EYS: variants seen among roughly 807,000 people sequenced by gnomAD.
EYS encodes the protein EGF-like photoreceptor maintenance factor.
In EYS, 250 loss-of-function variants were observed where a neutral mutation model predicts 282.1. That is an observed-to-expected ratio of 0.89 (90% CI 0.80 to 0.98). The LOEUF is 0.98. EYS is among the 50% of genes least tolerant of loss of function. The probability of loss-of-function intolerance (pLI) is 0.00; values close to 1 mark genes in which losing one functional copy is unlikely to be tolerated. For missense variants in EYS, 4,016 were observed against 3,709.0 expected (o/e 1.08, Z -2.15); for synonymous variants, 1,355 against 1,282.9 (o/e 1.06, Z -1.20).
chr6:65,182,936 A>C (rs1043524128), intron 12 of EYS, among the ~76,000 whole-genome samples: 6 of 151,786 alleles, frequency 4.0e-5, no homozygotes, highest in Middle Eastern at 3.4e-3. Context: ...ATACAGTCAC[A>C]CACCACCACG....
At chr6:64,439,405 T>A in intron 26 of EYS, 53 bp from the exon 27 acceptor site, 1 of 1,195,662 alleles carries the variant, frequency 8.4e-7, no homozygotes, top group African/African-American at 1.6e-5. Flanking sequence ...ATTCAATACC[T>A]AGGTTTCACA....
At chr6:64,727,052 T>C (rs1412085672) in intron 22 of EYS, among the ~76,000 whole-genome samples, 1 of 152,196 alleles carries the variant, frequency 6.6e-6, no homozygotes, top group African/African-American at 2.4e-5. Context: ...CTGATGTTAC[T>C]GAAATTCTCT....
intron 15 of EYS, among the ~76,000 whole-genome samples, chr6:64,944,030 C>G (rs187598024): frequency 6.6e-6 from 1 of 152,064 alleles, no homozygotes; most frequent in Non-Finnish European, 1.5e-5. Context: ...ACACACAGAT[C>G]AGTGGAACAG....
intron 37 of EYS, chr6:63,797,902 G>A (rs577398563): frequency 6.6e-6 from 1 of 152,218 alleles, no homozygotes; most frequent in African/African-American, 2.4e-5. Context: ...GCATTTCTTG[G>A]GGCTACATAT....
intron 26 of EYS, among the ~76,000 whole-genome samples, chr6:64,574,755 T>C (rs769886081): frequency 1.3e-5 from 2 of 152,214 alleles, no homozygotes; most frequent in Admixed American, 6.6e-5. Context: ...AATAAGTACA[T>C]TTCTTCAGCC....
intron 26 of EYS, among the ~76,000 whole-genome samples, chr6:64,500,169 T>C (rs973262597): frequency 6.6e-5 from 10 of 152,136 alleles, no homozygotes; most frequent in Non-Finnish European, 1.5e-4. Context: ...ATATCCTGTA[T>C]ACAGATCCAG....
chr6:64,290,066 A>G (rs1768646105), intron 30 of EYS, among the ~76,000 whole-genome samples: 1 of 152,066 alleles, frequency 6.6e-6, no homozygotes, highest in Admixed American at 6.6e-5. Flanking sequence ...ATTAAAGGCC[A>G]AGGAGGTTTT....
chr6:65,488,482 C>G (rs902310631), intron 5 of EYS, among the ~76,000 whole-genome samples: 3 of 152,100 alleles, frequency 2.0e-5, no homozygotes, highest in Non-Finnish European at 4.4e-5. Flanking sequence ...AGAGAGGACA[C>G]AAACAAATGG....
intron 37 of EYS, among the ~76,000 whole-genome samples, chr6:63,804,161 T>G (rs1402088956): frequency 6.6e-6 from 1 of 152,054 alleles, no homozygotes; most frequent in African/African-American, 2.4e-5. Context: ...GGATTACAGG[T>G]GTGCACCACC....
intron 37 of EYS, among the ~76,000 whole-genome samples, chr6:63,802,639 T>G (rs1770808726): frequency 6.6e-6 from 1 of 151,974 alleles, no homozygotes; most frequent in Non-Finnish European, 1.5e-5. Context: ...AAACTCTATC[T>G]TAAATCATTA....
intron 26 of EYS, among the ~76,000 whole-genome samples, chr6:64,508,555 TTATTA>T (rs1233555148): frequency 8.4e-5 from 10 of 119,290 alleles, no homozygotes; most frequent in African/African-American, 3.9e-4. Flanking sequence ...TAAGTATTTA[TTATTA>T]TTATTATTAT....
At chr6:64,925,337 C>A (rs571940650) in intron 15 of EYS, among the ~76,000 whole-genome samples, 35 of 152,278 alleles carry the variant, frequency 2.3e-4, no homozygotes, top group African/African-American at 8.2e-4. Flanking sequence ...CTGGGTGATA[C>A]AATTCAAGTT....
intron 1 of EYS, among the ~76,000 whole-genome samples, chr6:65,682,809 G>A (rs1261068667): frequency 6.6e-6 from 1 of 151,854 alleles, no homozygotes; most frequent in Non-Finnish European, 1.5e-5. Context: ...CATGTATATA[G>A]TAAAAAGAAA....
intron 12 of EYS, among the ~76,000 whole-genome samples, chr6:65,266,499 AATGG>A (rs1159602234): frequency 6.6e-5 from 10 of 151,940 alleles, no homozygotes; most frequent in Non-Finnish European, 1.2e-4. Flanking sequence ...TGAATGAATG[AATGG>A]ATGAATGAAT....
chr6:64,041,193 GA>G, intron 33 of EYS, among the ~76,000 whole-genome samples: 1 of 152,070 alleles, frequency 6.6e-6, no homozygotes, highest in South Asian at 2.1e-4. Context: ...GGATCATATG[GA>G]CCCCCACAGT....
intron 2 of EYS, among the ~76,000 whole-genome samples, chr6:65,525,454 A>G (rs912348057): frequency 6.6e-6 from 1 of 152,204 alleles, no homozygotes; most frequent in Non-Finnish European, 1.5e-5. Context: ...TTCTAACCGG[A>G]AAATTCAACT....
At chr6:65,658,185 T>C (rs1195197987) in intron 1 of EYS, among the ~76,000 whole-genome samples, 1 of 151,668 alleles carries the variant, frequency 6.6e-6, no homozygotes, top group Non-Finnish European at 1.5e-5. Flanking sequence ...GAGGTATGCC[T>C]GTATTATCAA....
intron 5 of EYS, among the ~76,000 whole-genome samples, chr6:65,430,328 C>G (rs1767836128): frequency 6.6e-6 from 1 of 152,078 alleles, no homozygotes; most frequent in African/African-American, 2.4e-5. Context: ...TGACACCTGC[C>G]CACAAATGGA....
intron 12 of EYS, among the ~76,000 whole-genome samples, chr6:65,092,792 AAAG>A (rs796306526): frequency 3.3e-5 from 5 of 152,244 alleles, no homozygotes; most frequent in African/African-American, 1.2e-4. Flanking sequence ...CAAGTCACAA[AAAG>A]AATGAAAAAG....
Sources: allele counts gnomAD v4.1 joint callset (sites outside exome capture counted in the v4.1 genomes callset), GRCh38; gene constraint gnomAD v4.1.1; transcripts MANE v1.5; gene names NCBI Gene and HGNC (gene_info 2026-07-23, HGNC 2026-07-21).